Variants in RAB6A observed in about 807,000 individuals in gnomAD.
RAB6A encodes RAB6A, member RAS oncogene family, also known as ras-related protein Rab-6A.
In RAB6A, 8 loss-of-function variants were observed where a neutral mutation model predicts 32.3. The ratio of observed to expected loss-of-function variants is 0.25; its 90% CI spans 0.15 to 0.45. The LOEUF is 0.45. Among genes scored for constraint, RAB6A ranks in the 20% least tolerant of loss-of-function variants. The pLI is 1.00. For missense variants in RAB6A, 104 were observed against 249.4 expected, an observed-to-expected ratio of 0.42 and a Z score of 3.93; for synonymous variants, 73 against 82.1, an observed-to-expected ratio of 0.89 and a Z score of 0.60.
chr11:73,755,177 C>T (rs183808782), intron 1 of RAB6A, among the ~76,000 whole-genome samples: 1,860 of 152,142 alleles, frequency 0.012, 21 homozygotes, highest in Non-Finnish European at 0.019. Flanking sequence ...GTGATCCGCC[C>T]ACCTCGGCCT....
chr11:73,694,997 C>T (rs1945634193), intron 6 of RAB6A, among the ~76,000 whole-genome samples: 1 of 152,050 alleles, frequency 6.6e-6, no homozygotes, highest in Non-Finnish European at 1.5e-5. Flanking sequence ...GCCTGGGCAA[C>T]ACGCAAGACT....
chr11:73,727,987 AT>A (rs1453969746), intron 2 of RAB6A, among the ~76,000 whole-genome samples: 1 of 152,160 alleles, frequency 6.6e-6, no homozygotes, highest in African/African-American at 2.4e-5. Flanking sequence ...TTAACTTAAA[AT>A]TTTTTTAATT....
intron 2 of RAB6A, among the ~76,000 whole-genome samples, chr11:73,722,926 C>T (rs1037989161): frequency 6.6e-6 from 1 of 152,014 alleles, no homozygotes; most frequent in Non-Finnish European, 1.5e-5. Flanking sequence ...AGTGCCTCAG[C>T]CTCTCAAGTA....
chr11:73,746,599 T>C (rs1373859828), intron 1 of RAB6A, among the ~76,000 whole-genome samples: 1 of 151,850 alleles, frequency 6.6e-6, no homozygotes, highest in East Asian at 1.9e-4. Context: ...CAAGACCTCA[T>C]CTCTGCTAAA....
At chr11:73,685,414 G>T in intron 6 of RAB6A, among the ~76,000 whole-genome samples, 1 of 144,860 alleles carries the variant, frequency 6.9e-6, no homozygotes, top group African/African-American at 2.6e-5. Context: ...TCAGCCTCCC[G>T]AGTAGCTGGG....
intron 1 of RAB6A, among the ~76,000 whole-genome samples, chr11:73,734,830 A>C (rs971130630): frequency 2.0e-5 from 3 of 152,218 alleles, no homozygotes; most frequent in Non-Finnish European, 2.9e-5. Flanking sequence ...CAGTAAAAGT[A>C]GGTAGGAACA....
intron 6 of RAB6A, among the ~76,000 whole-genome samples, chr11:73,705,935 G>A (rs1945834486): frequency 6.6e-6 from 1 of 151,990 alleles, no homozygotes; most frequent in Non-Finnish European, 1.5e-5. Context: ...CTGAGGAGCT[G>A]ACATCTAAAC....
chr11:73,745,409 A>G (rs891286034), intron 1 of RAB6A, among the ~76,000 whole-genome samples: 2 of 152,194 alleles, frequency 1.3e-5, no homozygotes, highest in African/African-American at 4.8e-5. Flanking sequence ...TAGAAAAATG[A>G]AAGTGGATAC....
chr11:73,736,675 C>T (rs1166636786), intron 1 of RAB6A, among the ~76,000 whole-genome samples: 1 of 148,962 alleles, frequency 6.7e-6, no homozygotes, highest in Non-Finnish European at 1.5e-5. Flanking sequence ...GCCTGTAATC[C>T]CAGCTACTCC....
intron 6 of RAB6A, among the ~76,000 whole-genome samples, chr11:73,704,577 C>A (rs189682673): frequency 6.6e-6 from 1 of 151,526 alleles, no homozygotes; most frequent in Admixed American, 6.6e-5. Flanking sequence ...CCCAGCTACT[C>A]GGGAGGCTGC....
intron 5 of RAB6A, among the ~76,000 whole-genome samples, chr11:73,715,301 T>C (rs928204435): frequency 1.3e-5 from 2 of 152,122 alleles, no homozygotes; most frequent in African/African-American, 4.8e-5. Context: ...TAATTTTGTA[T>C]TTTTAGTAGA....
chr11:73,756,723 C>A (rs1174653827), intron 1 of RAB6A, among the ~76,000 whole-genome samples: 3 of 152,224 alleles, frequency 2.0e-5, no homozygotes, highest in Admixed American at 2.0e-4. Flanking sequence ...GAGGCCCAGG[C>A]TGGAGTGCAG....
chr11:73,750,099 T>C (rs904763858), intron 1 of RAB6A, among the ~76,000 whole-genome samples: 4 of 152,290 alleles, frequency 2.6e-5, no homozygotes, highest in African/African-American at 9.6e-5. Flanking sequence ...GATACGAAGG[T>C]AGACGTCAGA....
chr11:73,712,713 C>T (rs1361517682), intron 5 of RAB6A, among the ~76,000 whole-genome samples: 1 of 133,320 alleles, frequency 7.5e-6, no homozygotes, highest in Non-Finnish European at 1.5e-5. Flanking sequence ...GACCACATTG[C>T]TTTAATTATA....
At chr11:73,684,261 C>T (rs996352734) in intron 6 of RAB6A, among the ~76,000 whole-genome samples, 4 of 151,646 alleles carry the variant, frequency 2.6e-5, no homozygotes, top group African/African-American at 9.7e-5. Context: ...CTCTGCCTCC[C>T]AGGTTCAAGC....
At chr11:73,692,230 C>G (rs1181613320) in intron 6 of RAB6A, among the ~76,000 whole-genome samples, 2 of 151,978 alleles carry the variant, frequency 1.3e-5, no homozygotes, top group Admixed American at 6.6e-5. Flanking sequence ...CAAGGCCGGG[C>G]GCAGTGGCTC....
intron 1 of RAB6A, among the ~76,000 whole-genome samples, chr11:73,750,402 TGC>T (rs1565380464): frequency 6.6e-6 from 1 of 150,598 alleles, no homozygotes; most frequent in East Asian, 1.9e-4. Context: ...CAGGCTGGAG[TGC>T]AGTGGCATGA....
At chr11:73,756,232 T>C (rs1946748605) in intron 1 of RAB6A, among the ~76,000 whole-genome samples, 1 of 152,010 alleles carries the variant, frequency 6.6e-6, no homozygotes, top group Non-Finnish European at 1.5e-5. Flanking sequence ...TGCGTGCCTG[T>C]TGTCCCAGCT....
intron 1 of RAB6A, among the ~76,000 whole-genome samples, chr11:73,732,620 G>T (rs911460288): frequency 2.6e-5 from 4 of 152,072 alleles, no homozygotes; most frequent in Admixed American, 2.0e-4. Context: ...TCAGCCGGGC[G>T]TGGGGGAGTG....
Sources: allele counts gnomAD v4.1 joint callset (sites outside exome capture counted in the v4.1 genomes callset), GRCh38; gene constraint gnomAD v4.1.1; transcripts MANE v1.5; gene names NCBI Gene and HGNC (gene_info 2026-07-23, HGNC 2026-07-21).